The following SLCO1B1 variants were observed in gnomAD, a reference collection of about 807,000 sequenced individuals.
SLCO1B1 encodes OATP-2.
Under a neutral mutation model 70.1 loss-of-function variants are expected in SLCO1B1, and 81 were observed. The observed-to-expected ratio is 1.16, with a 90% CI of 0.97 to 1.39. SLCO1B1 has a LOEUF of 1.39. SLCO1B1 is among the 40% of genes most tolerant of loss of function. The probability of loss-of-function intolerance (pLI) is 0.00; values close to 1 mark genes in which losing one functional copy is unlikely to be tolerated. For synonymous variants in SLCO1B1, 283 were observed against 271.5 expected, an observed-to-expected ratio of 1.04 and a Z score of -0.42; for missense variants, 895 against 799.6, an observed-to-expected ratio of 1.12 and a Z score of -1.44.
At chr12:21,217,993 T>C (rs1030453046) in intron 12 of SLCO1B1, among the ~76,000 whole-genome samples, 2 of 152,258 alleles carry the variant, frequency 1.3e-5, no homozygotes, top group Non-Finnish European at 1.5e-5. Flanking sequence ...GGAAAAAGAT[T>C]TCCCTAAAAA....
chr12:21,234,750 AT>A (rs1941578089), intron 14 of SLCO1B1, among the ~76,000 whole-genome samples: 1 of 152,182 alleles, frequency 6.6e-6, no homozygotes, highest in East Asian at 1.9e-4. Context: ...CTCGATTTTC[AT>A]TTGTTTAAAA....
chr12:21,134,510 A>C (rs186347687), intron 1 of SLCO1B1, among the ~76,000 whole-genome samples: 29 of 152,088 alleles, frequency 1.9e-4, no homozygotes, highest in African/African-American at 5.5e-4. Flanking sequence ...TCAATTTCAG[A>C]GCCTGTTATT....
chr12:21,217,040 C>T lies in SLCO1B1; in HGVS notation c.1498-79C>T. On this transcript the variant is annotated intron_variant, in intron 11 of 14. Coordinates refer to ENST00000256958, the MANE Select transcript of SLCO1B1 (RefSeq NM_006446.5). ...ATTAGTTTGAACAAGTGAGACTTCACTAAATATAATGCAATGTATTTGCAG... is the reference window on the plus strand; with the variant it reads ...ATTAGTTTGAACAAGTGAGACTTCATTAAATATAATGCAATGTATTTGCAG... The T allele has an allele frequency of 9.5e-6, 10 of 1,056,714 alleles. No individual in the cohort carries two copies. In the South Asian group the frequency reaches 1.0e-4, roughly 11 times the overall value. 65.5% of individuals were successfully genotyped at this position (1,056,714 alleles called of 1,614,324 possible). A position where few individuals can be genotyped will look rare whatever the true frequency, so the allele number is the denominator to read the frequency against.
intron 13 of SLCO1B1, 22 bp downstream of exon 13, chr12:21,222,386 A>G: frequency 5.7e-6 from 2 of 353,276 alleles, no homozygotes; most frequent in Non-Finnish European, 8.5e-6. Flanking sequence ...AAAAAAAAAA[A>G]AAAAAAAAAA....
At chr12:21,227,326 T>TG (rs1565444658) in intron 14 of SLCO1B1, among the ~76,000 whole-genome samples, 1 of 152,020 alleles carries the variant, frequency 6.6e-6, no homozygotes. Flanking sequence ...TATTTTTATA[T>TG]GAAAAAAAAG....
intron 1 of SLCO1B1, among the ~76,000 whole-genome samples, chr12:21,132,590 T>C (rs1468270479): frequency 2.0e-5 from 3 of 152,234 alleles, no homozygotes; most frequent in Non-Finnish European, 4.4e-5. Context: ...TGGCCAGTGA[T>C]GATGAGCATT....
intron 11 of SLCO1B1, among the ~76,000 whole-genome samples, chr12:21,209,932 G>T (rs1189077950): frequency 7.9e-5 from 12 of 152,036 alleles, no homozygotes; most frequent in Admixed American, 3.3e-4. Flanking sequence ...TAAATCTGTT[G>T]GAGTTAATTG....
chr12:21,163,764 C>T (rs1328508921), intron 2 of SLCO1B1, among the ~76,000 whole-genome samples: 1 of 152,062 alleles, frequency 6.6e-6, no homozygotes, highest in Admixed American at 6.6e-5. Context: ...TATCTAATCA[C>T]CCCCCAAAAG....
chr12:21,216,821 G>T (rs1441008211), intron 11 of SLCO1B1, among the ~76,000 whole-genome samples: 1 of 152,094 alleles, frequency 6.6e-6, no homozygotes, highest in Non-Finnish European at 1.5e-5. Context: ...TTATTAAAGA[G>T]AATCTATAGT....
intron 14 of SLCO1B1, among the ~76,000 whole-genome samples, chr12:21,232,395 CA>C (rs779365168): frequency 1.3e-5 from 2 of 152,068 alleles, no homozygotes; most frequent in Non-Finnish European, 2.9e-5. Flanking sequence ...TAAGTACTGC[CA>C]CATAGTTACA....
chr12:21,220,173 A>G (rs1458628335), intron 12 of SLCO1B1, among the ~76,000 whole-genome samples: 1 of 152,150 alleles, frequency 6.6e-6, no homozygotes, highest in African/African-American at 2.4e-5. Context: ...TTCTGGAAGG[A>G]TGGTGGTACT....
At chr12:21,218,172 G>C (rs946072181) in intron 12 of SLCO1B1, among the ~76,000 whole-genome samples, 1 of 152,164 alleles carries the variant, frequency 6.6e-6, no homozygotes, top group African/African-American at 2.4e-5. Flanking sequence ...ATACAGGAAA[G>C]AGCTGGTGTG....
intron 5 of SLCO1B1, among the ~76,000 whole-genome samples, chr12:21,178,355 C>G (rs577460298): frequency 1.3e-5 from 2 of 152,018 alleles, no homozygotes; most frequent in African/African-American, 4.8e-5. Context: ...CCATTAGACC[C>G]TTTTCCTTTA....
chr12:21,158,553 G>A (rs1940572045), intron 2 of SLCO1B1, among the ~76,000 whole-genome samples: 1 of 152,026 alleles, frequency 6.6e-6, no homozygotes, highest in South Asian at 2.1e-4. Context: ...AATTAGCCAG[G>A]TGTGGTGGTG....
At chr12:21,161,134 T>C (rs926807567) in intron 2 of SLCO1B1, among the ~76,000 whole-genome samples, 1 of 152,154 alleles carries the variant, frequency 6.6e-6, no homozygotes, top group African/African-American at 2.4e-5. Context: ...AGAACTACCA[T>C]TCAACCCAGC....
chr12:21,134,827 A>G (rs1940194476), intron 1 of SLCO1B1, among the ~76,000 whole-genome samples: 1 of 151,932 alleles, frequency 6.6e-6, no homozygotes, highest in African/African-American at 2.4e-5. Context: ...TTGTGTCTCT[A>G]TTTCCTTCAG....
At chr12:21,231,827 G>A (rs996659662) in intron 14 of SLCO1B1, among the ~76,000 whole-genome samples, 5 of 151,998 alleles carry the variant, frequency 3.3e-5, no homozygotes, top group Non-Finnish European at 7.4e-5. Flanking sequence ...TTTTAATTAA[G>A]CTGACTTTTA....
At chr12:21,223,063 A>G (rs1226243997) in intron 13 of SLCO1B1, among the ~76,000 whole-genome samples, 1 of 152,130 alleles carries the variant, frequency 6.6e-6, no homozygotes, top group Non-Finnish European at 1.5e-5. Flanking sequence ...TTCAATGGAG[A>G]TACCTCTCTG....
chr12:21,193,732 C>A (rs1269485061), intron 7 of SLCO1B1, among the ~76,000 whole-genome samples: 1 of 152,090 alleles, frequency 6.6e-6, no homozygotes, highest in Admixed American at 6.6e-5. Context: ...AGCAGCCAAC[C>A]TATATCCTTA....
Sources: allele counts gnomAD v4.1 joint callset (sites outside exome capture counted in the v4.1 genomes callset), GRCh38; gene constraint gnomAD v4.1.1; transcripts MANE v1.5; gene names NCBI Gene and HGNC (gene_info 2026-07-23, HGNC 2026-07-21).